Variants in RAP1A observed in about 807,000 individuals in gnomAD.
RAP1A encodes the protein RAP1A, member of RAS oncogene family.
RAP1A carries 6 observed loss-of-function variants against 26.4 expected under a neutral mutation model. The ratio of observed to expected loss-of-function variants is 0.23; its 90% CI spans 0.12 to 0.45. The LOEUF is 0.45. RAP1A is among the 20% of genes least tolerant of loss of function. The pLI, the probability that RAP1A is intolerant of heterozygous loss-of-function variation, is 0.99. For synonymous variants in RAP1A, 73 were observed against 79.4 expected (o/e 0.92, Z 0.43); for missense variants, 121 against 217.2 (o/e 0.56, Z 2.78).
chr1:111,676,796 ATT>A (rs559287814), intron 1 of RAP1A, among the ~76,000 whole-genome samples: 2 of 144,186 alleles, frequency 1.4e-5, no homozygotes, highest in Admixed American at 1.4e-4. Context: ...TCTTCTCTAG[ATT>A]TTTTTTTTTT....
intron 1 of RAP1A, among the ~76,000 whole-genome samples, chr1:111,675,733 A>G (rs1661106589): frequency 6.6e-6 from 1 of 152,202 alleles, no homozygotes; most frequent in Non-Finnish European, 1.5e-5. Flanking sequence ...TCTGCTTTAT[A>G]GTGTCCTCAC....
At chr1:111,566,820 G>A (rs571173565) in intron 1 of RAP1A, among the ~76,000 whole-genome samples, 7 of 151,516 alleles carry the variant, frequency 4.6e-5, no homozygotes, top group East Asian at 3.9e-4. Flanking sequence ...ACCCAGGGGC[G>A]TGCCCAGGTT....
At chr1:111,583,738 TTATGGTACATTAACAGTAGA>T (rs1658308386) in intron 1 of RAP1A, among the ~76,000 whole-genome samples, 1 of 152,038 alleles carries the variant, frequency 6.6e-6, no homozygotes, top group African/African-American at 2.4e-5. Context: ...GTAAAGAAAG[TTATGGTACATTAACAGTAGA>T]TATTTTGCAG....
chr1:111,651,012 C>T (rs1037743359), intron 1 of RAP1A, among the ~76,000 whole-genome samples: 3 of 152,164 alleles, frequency 2.0e-5, no homozygotes, highest in Admixed American at 1.3e-4. Context: ...CCATGTTAGC[C>T]AGGATGGTCT....
chr1:111,594,166 C>T (rs1223585863), intron 1 of RAP1A, among the ~76,000 whole-genome samples: 1 of 152,144 alleles, frequency 6.6e-6, no homozygotes, highest in African/African-American at 2.4e-5. Flanking sequence ...CCAGATGCCA[C>T]GACTTGGAAA....
Position 111,714,622 on chromosome 1 carries a change from C to G in RAP1A, c.*2221C>G, listed in dbSNP as rs1268027909. The G allele has an allele frequency of 6.6e-6, 1 of 152,158 alleles. No individual in the cohort carries two copies. Among genetic ancestry groups the G allele is most frequent in the Non-Finnish European group, 1.5e-5 (1 of 68,040 alleles). The allele number at this position is 152,158 out of a possible 1,614,324, so 9.4% of individuals were successfully genotyped here. On this transcript the variant is annotated 3_prime_UTR_variant, in exon 8 of 8. Coordinates refer to ENST00000369709, the MANE Select transcript of RAP1A (RefSeq NM_002884.4). ...ACTGTCAAGAAAAACGCCTTTCTGG[C>G]ACACAGTGATATGCAGAGCAGGACC...
At chr1:111,674,357 C>G (rs948952231) in intron 1 of RAP1A, among the ~76,000 whole-genome samples, 34 of 151,684 alleles carry the variant, frequency 2.2e-4, no homozygotes, top group African/African-American at 8.2e-4. Flanking sequence ...CCACACAAAA[C>G]TCTCCCACCT....
chr1:111,681,582 A>G (rs891210972), intron 1 of RAP1A, among the ~76,000 whole-genome samples: 1 of 152,216 alleles, frequency 6.6e-6, no homozygotes, highest in African/African-American at 2.4e-5. Context: ...GAATTGATCA[A>G]GTGGAAGAAA....
chr1:111,558,887 G>A (rs1320071889), intron 1 of RAP1A, among the ~76,000 whole-genome samples: 1 of 152,034 alleles, frequency 6.6e-6, no homozygotes, highest in Non-Finnish European at 1.5e-5. Context: ...AACACCATAA[G>A]TTTGATCCAA....
At chr1:111,592,013 C>T (rs1406087053) in intron 1 of RAP1A, among the ~76,000 whole-genome samples, 2 of 152,164 alleles carry the variant, frequency 1.3e-5, no homozygotes, top group African/African-American at 4.8e-5. Flanking sequence ...AGCTCTGGAC[C>T]TCGAGGGCTG....
At chr1:111,710,008 G>A (rs374243376) in intron 7 of RAP1A, among the ~76,000 whole-genome samples, 101 of 152,254 alleles carry the variant, frequency 6.6e-4, no homozygotes, top group African/African-American at 2.2e-3. Context: ...ATCTAAGAAT[G>A]GAATGGCCAG....
chr1:111,664,050 C>G (rs1367671175), intron 1 of RAP1A, among the ~76,000 whole-genome samples: 1 of 152,038 alleles, frequency 6.6e-6, no homozygotes, highest in Non-Finnish European at 1.5e-5. Context: ...CATAGGATGT[C>G]ATAGAGGAAC....
chr1:111,556,780 C>G (rs969982858), intron 1 of RAP1A, among the ~76,000 whole-genome samples: 4 of 151,998 alleles, frequency 2.6e-5, no homozygotes, highest in Non-Finnish European at 4.4e-5. Flanking sequence ...TAAAGCTTTA[C>G]TCTGGGAAGC....
intron 1 of RAP1A, among the ~76,000 whole-genome samples, chr1:111,658,302 C>G (rs1270464267): frequency 6.6e-6 from 1 of 152,076 alleles, no homozygotes; most frequent in Non-Finnish European, 1.5e-5. Context: ...TGTGATCACA[C>G]CACTGCAGTC....
At chr1:111,667,699 G>C (rs1358605941) in intron 1 of RAP1A, among the ~76,000 whole-genome samples, 1 of 149,724 alleles carries the variant, frequency 6.7e-6, no homozygotes, top group Non-Finnish European at 1.5e-5. Flanking sequence ...AAAAAAAAAT[G>C]TGGGTTCATG....
rs374859224 is a variant in RAP1A, at chr1:111,563,317, G to A, written c.-28+20808G>A. Among the ~76,000 whole-genome samples the A allele has an allele frequency of 5.9e-5, 9 of 152,116 alleles. No homozygotes were observed. The East Asian group carries it at 1.3e-3, about 23-fold the overall frequency. On this transcript the variant is annotated intron_variant, in intron 1 of 7. Transcript: ENST00000356415. ...ATAAATAAATAAACCCAGTACTGAA[G>A]TCTGTGCTCTTAACAACAAGCAGCT... is the stretch of plus-strand genomic sequence containing the variant.
chr1:111,631,805 C>T (rs3843829), intron 1 of RAP1A, among the ~76,000 whole-genome samples: 45,122 of 151,546 alleles, frequency 0.3, 7,295 homozygotes, highest in East Asian at 0.47. Flanking sequence ...ATAAATCATA[C>T]GGTGAAAATC....
chr1:111,671,514 AC>A (rs1282488459), intron 1 of RAP1A, among the ~76,000 whole-genome samples: 1 of 151,852 alleles, frequency 6.6e-6, no homozygotes, highest in African/African-American at 2.4e-5. Context: ...TCATTTTGTT[AC>A]CCAGGTTGTC....
chr1:111,609,545 G>A (rs906902482), intron 1 of RAP1A, among the ~76,000 whole-genome samples: 5 of 152,048 alleles, frequency 3.3e-5, no homozygotes, highest in Non-Finnish European at 2.9e-5. Context: ...AGACACACTG[G>A]GTGCTGGTGC....
Sources: gnomAD v4.1 joint callset for allele counts (sites outside exome capture counted in the v4.1 genomes callset) on GRCh38, gnomAD v4.1.1 for gene constraint, MANE v1.5 for transcripts, NCBI Gene and HGNC (gene_info 2026-07-23, HGNC 2026-07-21) for gene names.